Variants in NT5DC1 observed in about 807,000 individuals in gnomAD.
NT5DC1 encodes 5'-nucleotidase domain containing 1.
NT5DC1 carries 42 observed loss-of-function variants against 59.4 expected under a neutral mutation model. The observed-to-expected ratio is 0.71, with a 90% CI of 0.55 to 0.92. The LOEUF (loss-of-function observed/expected upper bound fraction) is 0.92, where lower values mean the gene tolerates loss of function less well. Among genes scored for constraint, NT5DC1 ranks in the 40% least tolerant of loss-of-function variants. The pLI is 0.00. For synonymous variants in NT5DC1, 172 were observed against 188.1 expected (o/e 0.91, Z 0.70); for missense variants, 501 against 537.1 (o/e 0.93, Z 0.66).
intron 6 of NT5DC1, among the ~76,000 whole-genome samples, chr6:116,179,726 T>C (rs17077634): frequency 0.031 from 4,786 of 152,218 alleles, 263 homozygotes; most frequent in African/African-American, 0.11. Context: ...TCAATAATTA[T>C]AAGATTCTGG....
intron 6 of NT5DC1, among the ~76,000 whole-genome samples, chr6:116,175,604 C>T (rs184565786): frequency 5.3e-4 from 80 of 152,228 alleles, no homozygotes; most frequent in African/African-American, 1.8e-3. Flanking sequence ...TGTTCCTTCT[C>T]CCCCGACACA....
intron 6 of NT5DC1, among the ~76,000 whole-genome samples, chr6:116,168,792 C>G (rs1316051938): frequency 6.6e-6 from 1 of 152,046 alleles, no homozygotes; most frequent in Non-Finnish European, 1.5e-5. Flanking sequence ...TCTAGGATAA[C>G]TTTCTACAGG....
chr6:116,165,801 G>A (rs1293336899), intron 6 of NT5DC1, among the ~76,000 whole-genome samples: 1 of 152,220 alleles, frequency 6.6e-6, no homozygotes, highest in East Asian at 1.9e-4. Flanking sequence ...GGACCTGCTG[G>A]TCCCCTGTGG....
Position 116,121,491 on chromosome 6 carries a change from C to T in NT5DC1, c.529+3546C>T, listed in dbSNP as rs146114911. On this transcript the variant is annotated intron_variant, in intron 6 of 11. Coordinates refer to ENST00000319550, the MANE Select transcript of NT5DC1 (RefSeq NM_152729.3). Reference sequence around the variant, plus strand: ...GGAGGGCCAGATGGTCCTGTGGGACCCTGAGGGCCTGGAAGACCCCTCTCA... The same window carrying T: ...GGAGGGCCAGATGGTCCTGTGGGACTCTGAGGGCCTGGAAGACCCCTCTCA... The T allele has an allele frequency of 1.7e-3, 2,822 of 1,614,150 alleles. 56 individuals carry two copies. The highest frequency in any genetic ancestry group is 1.6e-4 in the Non-Finnish European group (186 of 1,180,028).
chr6:116,237,137 T>C (rs1053046496), intron 9 of NT5DC1, 53 bp downstream of exon 9: 2 of 961,510 alleles, frequency 2.1e-6, no homozygotes, highest in Admixed American at 3.5e-5. Context: ...ACATAAGCAG[T>C]TGTGAACTGC....
intron 6 of NT5DC1, among the ~76,000 whole-genome samples, chr6:116,145,006 T>C (rs953886819): frequency 6.6e-6 from 1 of 152,206 alleles, no homozygotes; most frequent in Non-Finnish European, 1.5e-5. Flanking sequence ...GAATGTATTA[T>C]GTACCAATTA....
intron 6 of NT5DC1, among the ~76,000 whole-genome samples, chr6:116,163,121 C>T (rs1418787391): frequency 1.7e-3 from 60 of 34,404 alleles, no homozygotes; most frequent in South Asian, 3.0e-3. Context: ...AGCGAGACTC[C>T]GTCTCAAAAA....
At chr6:116,136,544 A>C (rs1005466815) in intron 6 of NT5DC1, among the ~76,000 whole-genome samples, 9 of 152,170 alleles carry the variant, frequency 5.9e-5, no homozygotes, top group Non-Finnish European at 1.2e-4. Flanking sequence ...TAGGCGGCAG[A>C]ACTGGGGTTT....
intron 4 of NT5DC1, among the ~76,000 whole-genome samples, chr6:116,114,672 T>A (rs1468138779): frequency 6.6e-6 from 1 of 152,136 alleles, no homozygotes; most frequent in Non-Finnish European, 1.5e-5. Context: ...TGTATGAGGT[T>A]GGGTTCCCTC....
chr6:116,241,951 AAAAAAAAAC>A (rs1354269403), intron 11 of NT5DC1, among the ~76,000 whole-genome samples: 23 of 148,398 alleles, frequency 1.5e-4, no homozygotes, highest in African/African-American at 5.0e-4. Flanking sequence ...AAACAAAAAA[AAAAAAAAAC>A]AAAGAATCAG....
At chr6:116,107,024 C>T (rs1464569028) in intron 2 of NT5DC1, among the ~76,000 whole-genome samples, 1 of 151,752 alleles carries the variant, frequency 6.6e-6, no homozygotes, top group African/African-American at 2.4e-5. Flanking sequence ...AACCCCAACT[C>T]TGCAAAAAAT....
chr6:116,126,601 A>T (rs951480604), intron 6 of NT5DC1, among the ~76,000 whole-genome samples: 1 of 152,158 alleles, frequency 6.6e-6, no homozygotes, highest in Non-Finnish European at 1.5e-5. Context: ...ATATTCATAA[A>T]TTTTTGTGAA....
intron 10 of NT5DC1, 61 bp from the exon 11 acceptor site, chr6:116,238,894 A>C (rs1782174546): frequency 9.0e-7 from 1 of 1,111,868 alleles, no homozygotes; most frequent in African/African-American, 1.6e-5. Flanking sequence ...AATAGACAAA[A>C]AAATTATGAG....
intron 1 of NT5DC1, among the ~76,000 whole-genome samples, chr6:116,104,402 T>C: frequency 6.6e-6 from 1 of 152,204 alleles, no homozygotes; most frequent in East Asian, 1.9e-4. Context: ...TATCTTAGAC[T>C]AATCACTTGA....
At chr6:116,153,087 A>T (rs994801058) in intron 6 of NT5DC1, among the ~76,000 whole-genome samples, 1 of 151,948 alleles carries the variant, frequency 6.6e-6, no homozygotes, top group African/African-American at 2.4e-5. Flanking sequence ...CATTTAATAA[A>T]ATCCCTGATA....
intron 8 of NT5DC1, among the ~76,000 whole-genome samples, chr6:116,233,098 A>G (rs1456187792): frequency 1.3e-5 from 2 of 152,206 alleles, no homozygotes; most frequent in Non-Finnish European, 2.9e-5. Context: ...AATAATTTGT[A>G]TATCTTGTAG....
At chr6:116,185,619 T>C (rs764500006) in intron 6 of NT5DC1, among the ~76,000 whole-genome samples, 6 of 152,140 alleles carry the variant, frequency 3.9e-5, no homozygotes, top group Non-Finnish European at 8.8e-5. Context: ...TTATATAATG[T>C]CCCACTTTGT....
intron 3 of NT5DC1, among the ~76,000 whole-genome samples, chr6:116,109,296 A>G (rs1224852101): frequency 2.0e-5 from 3 of 152,150 alleles, no homozygotes; most frequent in African/African-American, 7.2e-5. Context: ...ACCTTCCCCT[A>G]AGGTGCATCT....
rs139214069 is a variant in NT5DC1, at chr6:116,150,233, C to T, written c.529+32288C>T. ...TCACATGGAGAGCATGCTGAGGGAG[C>T]CCATGGCCACTGACAGATCAGTTAA... On this transcript the variant is annotated intron_variant, in intron 6 of 11. Transcript: ENST00000319550. Among the ~76,000 whole-genome samples, 302 of 152,010 alleles carry T rather than the reference C, an allele frequency of 2.0e-3. 1 individual carries two copies. The highest frequency in any genetic ancestry group is 4.8e-3 in the South Asian group (23 of 4,798).
Sources: gnomAD v4.1 joint callset for allele counts (sites outside exome capture counted in the v4.1 genomes callset) on GRCh38, gnomAD v4.1.1 for gene constraint, MANE v1.5 for transcripts, NCBI Gene and HGNC (gene_info 2026-07-23, HGNC 2026-07-21) for gene names.